EXPH5: variants seen among roughly 807,000 people sequenced by gnomAD.
EXPH5 encodes the protein exophilin 5.
A neutral mutation model predicts 41.1 loss-of-function variants in EXPH5; 42 were observed. The ratio of observed to expected loss-of-function variants is 1.02; its 90% CI spans 0.80 to 1.32. The LOEUF (loss-of-function observed/expected upper bound fraction) is 1.32. Ranked by LOEUF, EXPH5 falls within the 40% of genes most tolerant of loss-of-function variation. EXPH5 has a pLI of 0.00. For missense variants in EXPH5, 2,298 were observed against 2,314.5 expected, an observed-to-expected ratio of 0.99 and a Z score of 0.15; for synonymous variants, 798 against 833.5, an observed-to-expected ratio of 0.96 and a Z score of 0.73.
chr11:108,586,444 C>T (rs1222332481), intron 1 of EXPH5, among the ~76,000 whole-genome samples: 7 of 129,792 alleles, frequency 5.4e-5, no homozygotes, highest in Non-Finnish European at 9.9e-5. Flanking sequence ...TTCCTCCCTC[C>T]CCCATCCCCT....
At chr11:108,546,460 G>A (rs977650319) in intron 1 of EXPH5, among the ~76,000 whole-genome samples, 1 of 152,116 alleles carries the variant, frequency 6.6e-6, no homozygotes, top group Admixed American at 6.5e-5. Flanking sequence ...AAGGTGAAAA[G>A]TGACCCCCAG....
At chr11:108,570,763 C>G (rs1242916667) in intron 1 of EXPH5, among the ~76,000 whole-genome samples, 1 of 152,196 alleles carries the variant, frequency 6.6e-6, no homozygotes, top group Non-Finnish European at 1.5e-5. Flanking sequence ...TCAGGCTGGT[C>G]TTGAACTCCT....
intron 1 of EXPH5, among the ~76,000 whole-genome samples, chr11:108,549,300 C>G (rs1358405734): frequency 6.6e-6 from 1 of 152,242 alleles, no homozygotes; most frequent in African/African-American, 2.4e-5. Context: ...AATGTCCTTT[C>G]TTCATTCACA....
In EXPH5 at chr11:108,514,099, C is replaced by T. The variant is rs777762788; in HGVS notation, c.1408G>A (p.Gly470Arg). 1.5e-5 allele frequency: 24 copies of T among 1,613,608 alleles called. No homozygotes were observed. Among genetic ancestry groups the T allele is most frequent in the Middle Eastern group, 1.6e-4 (1 of 6,082 alleles). The change falls in exon 6 of 6, where the codon GGA (glycine) becomes AGA (arginine). Residue 470 changes from glycine (G) to arginine (R), a missense_variant. Transcript: ENST00000265843. ...CCTTGTCCAAATCTCCTCTGTTCTC[C>T]GCTTCGTCCAAAGGTATTGCTGAAG... ...SFFSNTFGRS[G>R]EQRRFGQGPF...
chr11:108,509,464 C>A lies in EXPH5; in HGVS notation c.*73G>T. On this transcript the variant is annotated 3_prime_UTR_variant, in exon 6 of 6. Transcript: ENST00000265843. ...AGACTAGATCTTTTATCCTTCCATG[C>A]ACATGCACATGTACACCTTAGTTCC... is the stretch of plus-strand genomic sequence containing the variant. 1 of 1,359,060 alleles carries A rather than the reference C, an allele frequency of 7.4e-7. No homozygotes were observed. Among genetic ancestry groups the A allele is most frequent in the East Asian group, 2.3e-5 (1 of 43,228 alleles). 84.2% of individuals were successfully genotyped at this position (1,359,060 alleles called of 1,614,324 possible). A position where few individuals can be genotyped will look rare whatever the true frequency, so the allele number is the denominator to read the frequency against.
At chr11:108,520,188 T>C (rs1231689670) in intron 4 of EXPH5, among the ~76,000 whole-genome samples, 1 of 152,148 alleles carries the variant, frequency 6.6e-6, no homozygotes, top group Non-Finnish European at 1.5e-5. Flanking sequence ...CTCACAGGAT[T>C]GCGAACCCTA....
upstream of EXPH5, chr11:108,593,858 C>T (rs1173887250): frequency 9.5e-6 from 9 of 951,804 alleles, no homozygotes; most frequent in African/African-American, 1.6e-5. Flanking sequence ...CGTCTCGTCC[C>T]GTCCCTCGTC....
At chr11:108,517,138 A>C (rs2093731822) in intron 5 of EXPH5, among the ~76,000 whole-genome samples, 1 of 152,254 alleles carries the variant, frequency 6.6e-6, no homozygotes, top group South Asian at 2.1e-4. Context: ...CATCCCCATG[A>C]CAAGATTTTA....
Position 108,511,499 on chromosome 11 carries a change from A to C in EXPH5, c.4008T>G (p.Asn1336Lys). ...GTAATGTAGGAGCTAGGGGCCCCCT[A>C]TTTGATAATCGGAAGGCAGTCATAT... ...TENMTAFRLS[N>K]RGPLAPTLQE... Residue 1336 changes from asparagine to lysine, a missense_variant, in exon 6 of 6, where the codon AAT becomes AAG. Coordinates refer to ENST00000265843, the MANE Select transcript of EXPH5 (RefSeq NM_015065.3). The C allele has an allele frequency of 6.3e-7, 1 of 1,591,488 alleles. No individual in the cohort carries two copies. The highest frequency in any genetic ancestry group is 8.5e-7 in the Non-Finnish European group (1 of 1,172,070).
At chr11:108,522,044 G>T (rs147082191) in intron 4 of EXPH5, among the ~76,000 whole-genome samples, 28 of 152,192 alleles carry the variant, frequency 1.8e-4, no homozygotes, top group African/African-American at 6.7e-4. Context: ...TTTTATTTCT[G>T]CCCAGACCCT....
the EXPH5 span, among the ~76,000 whole-genome samples, chr11:108,600,134 C>T: frequency 6.6e-6 from 1 of 152,112 alleles, no homozygotes; most frequent in African/African-American, 2.4e-5. Flanking sequence ...GAAGAAAATT[C>T]AAATATGGGA....
intron 1 of EXPH5, among the ~76,000 whole-genome samples, chr11:108,546,260 T>C (rs1318171603): frequency 6.6e-6 from 1 of 152,082 alleles, no homozygotes; most frequent in East Asian, 1.9e-4. Flanking sequence ...CAATGATTGA[T>C]GGCTCAGCAG....
At chr11:108,514,946 G>T in intron 5 of EXPH5, 71 bp from the exon 6 acceptor site, 2 of 961,384 alleles carry the variant, frequency 2.1e-6, no homozygotes, top group Non-Finnish European at 2.8e-6. Context: ...AGTTATTGAA[G>T]GCTCCTTTTC....
chr11:108,585,413 G>C (rs1216751045), intron 1 of EXPH5, among the ~76,000 whole-genome samples: 2 of 152,164 alleles, frequency 1.3e-5, no homozygotes, highest in African/African-American at 4.8e-5. Context: ...GAATGGATCA[G>C]TGCCCTTTTA....
At chr11:108,536,337 C>T (rs2093879820) in intron 3 of EXPH5, among the ~76,000 whole-genome samples, 1 of 151,504 alleles carries the variant, frequency 6.6e-6, no homozygotes, top group Non-Finnish European at 1.5e-5. Flanking sequence ...AGTGCAGCGG[C>T]TCACCGTACC....
chr11:108,606,647 T>C, the EXPH5 span, among the ~76,000 whole-genome samples: 1 of 152,180 alleles, frequency 6.6e-6, no homozygotes, highest in African/African-American at 2.4e-5. Context: ...AAGGCTCACT[T>C]TGTGCAAGAA....
intron 1 of EXPH5, among the ~76,000 whole-genome samples, chr11:108,585,814 C>A (rs2094111287): frequency 6.6e-6 from 1 of 152,140 alleles, no homozygotes; most frequent in Non-Finnish European, 1.5e-5. Flanking sequence ...TATTTAATAT[C>A]ATCAAAATGT....
chr11:108,563,197 A>C lies in EXPH5; in HGVS notation c.120-21385T>G, dbSNP rs370579054. ...ATTTTGTCCCTTGTGGTTTGGAGGA[A>C]AGGTAGACTGGTATCTGCCTCCTGC... On this transcript the variant is annotated intron_variant, in intron 1 of 5. Coordinates refer to ENST00000265843, the MANE Select transcript of EXPH5 (RefSeq NM_015065.3). Among the ~76,000 whole-genome samples the C allele has an allele frequency of 3.6e-4, 55 of 152,266 alleles. No individual in the cohort carries two copies. In the East Asian group the frequency reaches 9.3e-3, roughly 26 times the overall value.
intron 1 of EXPH5, among the ~76,000 whole-genome samples, chr11:108,554,245 G>A (rs2093980887): frequency 6.6e-6 from 1 of 151,976 alleles, no homozygotes; most frequent in Admixed American, 6.6e-5. Context: ...TGTAGAGATG[G>A]TGTTTCGCCA....
Sources: allele counts gnomAD v4.1 joint callset (sites outside exome capture counted in the v4.1 genomes callset), GRCh38; gene constraint gnomAD v4.1.1; transcripts MANE v1.5; gene names NCBI Gene and HGNC (gene_info 2026-07-23, HGNC 2026-07-21).